Variants in ZDHHC21 observed in about 807,000 individuals in gnomAD.
ZDHHC21 encodes zDHHC palmitoyltransferase 21.
Under a neutral mutation model 34.6 loss-of-function variants are expected in ZDHHC21, and 15 were observed. That is an observed-to-expected ratio of 0.43 (90% CI 0.29 to 0.67). ZDHHC21 has a LOEUF of 0.67. ZDHHC21 is among the 30% of genes least tolerant of loss of function. The pLI, the probability that ZDHHC21 is intolerant of heterozygous loss-of-function variation, is 0.14. For missense variants in ZDHHC21, 344 were observed against 327.7 expected (o/e 1.05, Z -0.38); for synonymous variants, 142 against 101.8 (o/e 1.40, Z -2.38).
chr9:14,671,783 A>T (rs916152928), intron 5 of ZDHHC21, among the ~76,000 whole-genome samples: 3 of 152,110 alleles, frequency 2.0e-5, no homozygotes, highest in African/African-American at 4.8e-5. Flanking sequence ...GTACACTCTA[A>T]CTGGGTAAAT....
At chr9:14,605,827 A>G in the ZDHHC21 span, among the ~76,000 whole-genome samples, 1 of 152,160 alleles carries the variant, frequency 6.6e-6, no homozygotes, top group East Asian at 1.9e-4. Flanking sequence ...TGTGTTGTTA[A>G]TATTTTGTCC....
downstream of ZDHHC21, among the ~76,000 whole-genome samples, chr9:14,608,555 T>C (rs114457638): frequency 7.2e-5 from 11 of 152,268 alleles, no homozygotes; most frequent in African/African-American, 2.6e-4. Flanking sequence ...AGAGGTGCTT[T>C]CTTGTTTGGA....
Position 14,612,532 on chromosome 9 carries a change from A to C in ZDHHC21, c.*6434T>G, listed in dbSNP as rs967355756. 6.6e-6 allele frequency: 1 copy of C among 151,948 alleles called. No homozygotes were observed. The highest frequency in any genetic ancestry group is 2.4e-5 in the African/African-American group (1 of 41,404). The allele number at this position is 151,948 out of a possible 1,614,324, so 9.4% of individuals were successfully genotyped here. A position where few individuals can be genotyped will look rare whatever the true frequency, so the allele number is the denominator to read the frequency against. On this transcript the variant is annotated 3_prime_UTR_variant, in exon 10 of 10. Transcript: ENST00000380916. ...AGGGTGTTTCTCTTCATTTTTGTAA[A>C]ATTAACTACTAAGCAAAATTAGTTT...
chr9:14,658,041 T>C (rs1832591060), intron 7 of ZDHHC21, among the ~76,000 whole-genome samples: 1 of 152,216 alleles, frequency 6.6e-6, no homozygotes, highest in Admixed American at 6.5e-5. Context: ...ATTCATGATA[T>C]CATTACTGAT....
At chr9:14,592,010 C>CT in the ZDHHC21 span, among the ~76,000 whole-genome samples, 5 of 151,980 alleles carry the variant, frequency 3.3e-5, no homozygotes, top group African/African-American at 1.2e-4. Context: ...AAATGTTTGC[C>CT]TTTTTATTGA....
intron 5 of ZDHHC21, among the ~76,000 whole-genome samples, chr9:14,663,396 A>G (rs7867569): frequency 0.88 from 133,535 of 151,922 alleles, 58,823 homozygotes; most frequent in South Asian, 0.93. Flanking sequence ...GCTTGCTGAC[A>G]TATGAAAAGT....
At chr9:14,683,052 T>C (rs1837657300) in intron 2 of ZDHHC21, among the ~76,000 whole-genome samples, 1 of 151,474 alleles carries the variant, frequency 6.6e-6, no homozygotes, top group Admixed American at 6.6e-5. Context: ...AGAGCGAAAT[T>C]TATAGCACTA....
downstream of ZDHHC21, among the ~76,000 whole-genome samples, chr9:14,610,446 CAAAT>C (rs1313813420): frequency 1.3e-5 from 2 of 151,918 alleles, no homozygotes; most frequent in Non-Finnish European, 2.9e-5. Flanking sequence ...GCAAATCTAT[CAAAT>C]AATTTATCAC....
intron 6 of ZDHHC21, among the ~76,000 whole-genome samples, chr9:14,660,787 C>A (rs1457228915): frequency 6.6e-6 from 1 of 152,072 alleles, no homozygotes; most frequent in South Asian, 2.1e-4. Context: ...GTGAGTCTTT[C>A]CTAGTTCTTT....
the ZDHHC21 span, among the ~76,000 whole-genome samples, chr9:14,603,752 G>A: frequency 6.6e-6 from 1 of 152,072 alleles, no homozygotes; most frequent in Non-Finnish European, 1.5e-5. Context: ...TTAGAAAAAG[G>A]GAATCGCTGC....
intron 7 of ZDHHC21, among the ~76,000 whole-genome samples, chr9:14,653,561 T>G (rs987471634): frequency 2.0e-5 from 3 of 151,524 alleles, no homozygotes; most frequent in African/African-American, 4.8e-5. Context: ...GGTTTTGTTG[T>G]TTTTTTTGCC....
the ZDHHC21 span, among the ~76,000 whole-genome samples, chr9:14,591,012 T>C: frequency 6.6e-6 from 1 of 152,122 alleles, no homozygotes; most frequent in South Asian, 2.1e-4. Flanking sequence ...TGTTTTTACA[T>C]TATACTTGAA....
intron 8 of ZDHHC21, among the ~76,000 whole-genome samples, chr9:14,630,575 T>G (rs1323060912): frequency 6.6e-6 from 1 of 152,190 alleles, no homozygotes; most frequent in Admixed American, 6.5e-5. Flanking sequence ...GGTAAATCTT[T>G]TCCAGAAGGT....
At chr9:14,641,562 T>C (rs1829384323) in intron 7 of ZDHHC21, among the ~76,000 whole-genome samples, 1 of 152,098 alleles carries the variant, frequency 6.6e-6, no homozygotes, top group Non-Finnish European at 1.5e-5. Context: ...AACCAAAATA[T>C]GTAGGAATAC....
intron 7 of ZDHHC21, among the ~76,000 whole-genome samples, chr9:14,653,990 G>T (rs538249232): frequency 1.3e-5 from 2 of 152,088 alleles, no homozygotes; most frequent in African/African-American, 4.8e-5. Context: ...AAAGTAGACA[G>T]GCGTTAAGGT....
At chr9:14,640,145 A>G (rs1201753159) in intron 7 of ZDHHC21, 133 bp from the exon 8 acceptor site, 2 of 503,864 alleles carry the variant, frequency 4.0e-6, no homozygotes, top group East Asian at 5.7e-5. Context: ...CCTCTTTTAT[A>G]CTTCTATTGA....
chr9:14,600,688 G>A, the ZDHHC21 span, among the ~76,000 whole-genome samples: 1 of 152,172 alleles, frequency 6.6e-6, no homozygotes, highest in Non-Finnish European at 1.5e-5. Flanking sequence ...AGCTGGTATA[G>A]TCAAGAGAAT....
chr9:14,622,216 A>T (rs1055027096), intron 8 of ZDHHC21, among the ~76,000 whole-genome samples: 3 of 152,168 alleles, frequency 2.0e-5, no homozygotes, highest in African/African-American at 7.2e-5. Context: ...TTACTATTTT[A>T]AAAACTGGAT....
In ZDHHC21 at chr9:14,615,673, C is replaced by T. The variant is rs970587993; in HGVS notation, c.*3293G>A. ...GGTCCTGAACTCAGTCCATTTTTGC[C>T]TACAATCTTAAGCCTACATGAAGCC... is the stretch of plus-strand genomic sequence containing the variant. On this transcript the variant is annotated 3_prime_UTR_variant, in exon 10 of 10. Coordinates refer to ENST00000380916, the MANE Select transcript of ZDHHC21 (RefSeq NM_178566.6). 6.6e-6 allele frequency: 1 copy of T among 151,498 alleles called. No individual in the cohort carries two copies. Among genetic ancestry groups the T allele is most frequent in the Non-Finnish European group, 1.5e-5 (1 of 67,714 alleles). The allele number at this position is 151,498 out of a possible 1,614,324, so 9.4% of individuals were successfully genotyped here.
Sources: gnomAD v4.1 joint callset for allele counts (sites outside exome capture counted in the v4.1 genomes callset) on GRCh38, gnomAD v4.1.1 for gene constraint, MANE v1.5 for transcripts, NCBI Gene and HGNC (gene_info 2026-07-23, HGNC 2026-07-21) for gene names.